The following PHACTR3 variants were observed in gnomAD, a reference collection of about 807,000 sequenced individuals.
PHACTR3 encodes phosphatase and actin regulator 3.
In PHACTR3, 16 loss-of-function variants were observed where a neutral mutation model predicts 66.8. The ratio of observed to expected loss-of-function variants is 0.24; its 90% CI spans 0.16 to 0.36. The LOEUF is 0.36. Among genes scored for constraint, PHACTR3 ranks in the 10% least tolerant of loss-of-function variants. The probability of loss-of-function intolerance (pLI) is 1.00; values close to 1 mark genes in which losing one functional copy is unlikely to be tolerated. For missense variants in PHACTR3, 647 were observed against 719.9 expected (o/e 0.90, Z 1.16); for synonymous variants, 323 against 292.1 (o/e 1.11, Z -1.08).
At chr20:59,786,351 C>A (rs981980992) in intron 7 of PHACTR3, among the ~76,000 whole-genome samples, 1 of 152,256 alleles carries the variant, frequency 6.6e-6, no homozygotes, top group Non-Finnish European at 1.5e-5. Context: ...CTGAGAATTA[C>A]TTTGAGAACC....
intron 1 of PHACTR3, among the ~76,000 whole-genome samples, chr20:59,630,680 A>G (rs2034629098): frequency 6.6e-6 from 1 of 152,190 alleles, no homozygotes; most frequent in African/African-American, 2.4e-5. Context: ...ATCTAGAGGA[A>G]GTACCACTGG....
intron 1 of PHACTR3, among the ~76,000 whole-genome samples, chr20:59,690,341 G>T (rs1278510962): frequency 6.6e-6 from 1 of 152,170 alleles, no homozygotes; most frequent in East Asian, 1.9e-4. Context: ...TCTCACCAGG[G>T]CCCATCACGT....
chr20:59,717,766 A>C (rs1362582438), intron 1 of PHACTR3, among the ~76,000 whole-genome samples: 1 of 152,250 alleles, frequency 6.6e-6, no homozygotes, highest in Admixed American at 6.5e-5. Context: ...GGTTTTTTTG[A>C]CTATTCCTCC....
chr20:59,806,075 G>A lies in PHACTR3; in HGVS notation c.1209G>A (p.Leu403=), dbSNP rs548007727. Residue 403 remains leucine, a synonymous_variant, in exon 8 of 13, where the codon CTG becomes CTA. Coordinates refer to ENST00000371015, the MANE Select transcript of PHACTR3 (RefSeq NM_080672.5). The stretch of plus-strand genomic sequence containing the variant: ...CACGGAAATGCAAGAAGGAGCTCCT[G>A]GCCGTGAAGCTAAGGAACCGGCCAA... ...TLPRKCKKEL[L]AVKLRNRPSK... 3 of 1,614,206 alleles carry A rather than the reference G, an allele frequency of 1.9e-6. No homozygotes were observed. The highest frequency in any genetic ancestry group is 1.7e-5 in the Admixed American group (1 of 60,016).
In PHACTR3 at chr20:59,710,487, G is replaced by A. The variant is rs569434767; in HGVS notation, c.119-32620G>A. 2.6e-5 allele frequency among the ~76,000 whole-genome samples: 4 copies of A among 152,284 alleles called. No homozygotes were observed. The South Asian group carries it at 8.3e-4, about 32-fold the overall frequency. ...CCAGCAAAATGGGGACCACAGCAGC[G>A]AGTTCACTGGCTAGGCCCTTTAAAA... is the stretch of plus-strand genomic sequence containing the variant. On this transcript the variant is annotated intron_variant, in intron 1 of 12. Transcript: ENST00000371015.
chr20:59,702,058 G>A (rs991175131), intron 1 of PHACTR3, among the ~76,000 whole-genome samples: 1 of 152,088 alleles, frequency 6.6e-6, no homozygotes, highest in Non-Finnish European at 1.5e-5. Flanking sequence ...TTTTATTGTT[G>A]CTTAATAGTC....
chr20:59,825,852 T>C (rs1361365448), intron 8 of PHACTR3, among the ~76,000 whole-genome samples: 6 of 152,146 alleles, frequency 3.9e-5, no homozygotes, highest in African/African-American at 1.4e-4. Flanking sequence ...TGGTTGTACA[T>C]GGGGCCTTTG....
intron 1 of PHACTR3, chr20:59,721,382 C>G (rs2038289139): frequency 6.6e-6 from 1 of 152,228 alleles, no homozygotes; most frequent in East Asian, 1.9e-4. Flanking sequence ...TGTCTCTCCC[C>G]CTGGAAGGAG....
intron 7 of PHACTR3, among the ~76,000 whole-genome samples, chr20:59,800,288 A>G (rs1053119289): frequency 6.6e-6 from 1 of 152,216 alleles, no homozygotes; most frequent in African/African-American, 2.4e-5. Context: ...TCTATTGGCT[A>G]TCATCTTCCT....
intron 8 of PHACTR3, among the ~76,000 whole-genome samples, chr20:59,835,641 A>C (rs1252423469): frequency 6.6e-6 from 1 of 152,158 alleles, no homozygotes; most frequent in African/African-American, 2.4e-5. Flanking sequence ...AAATAATCAG[A>C]GCTTGGCATT....
intron 1 of PHACTR3, among the ~76,000 whole-genome samples, chr20:59,620,602 C>T (rs1215054326): frequency 6.6e-6 from 1 of 152,208 alleles, no homozygotes; most frequent in African/African-American, 2.4e-5. Context: ...ACAAATCCCC[C>T]ATAAGCGATG....
chr20:59,594,466 AACAATGTTGAACAGACAC>A (rs2033270089), intron 1 of PHACTR3, among the ~76,000 whole-genome samples: 1 of 152,062 alleles, frequency 6.6e-6, no homozygotes, highest in Non-Finnish European at 1.5e-5. Context: ...GTTGAACTTG[AACAATGTTGAACAGACAC>A]ACAATGTTGA....
At chr20:59,799,399 ATTTC>A (rs1374078047) in intron 7 of PHACTR3, among the ~76,000 whole-genome samples, 2 of 152,162 alleles carry the variant, frequency 1.3e-5, no homozygotes, top group East Asian at 3.9e-4. Flanking sequence ...TGATGTGTGG[ATTTC>A]TTTATTTCTT....
intron 1 of PHACTR3, among the ~76,000 whole-genome samples, chr20:59,598,571 T>G (rs2033389805): frequency 6.6e-6 from 1 of 152,196 alleles, no homozygotes; most frequent in Non-Finnish European, 1.5e-5. Flanking sequence ...TACCAGTGCC[T>G]TTCAGGGCAG....
At chr20:59,771,878 T>C (rs1001854447) in intron 5 of PHACTR3, among the ~76,000 whole-genome samples, 2 of 152,206 alleles carry the variant, frequency 1.3e-5, no homozygotes, top group African/African-American at 2.4e-5. Flanking sequence ...TGGAAGTTTG[T>C]TTCTGGTTTT....
At chr20:59,748,929 C>G (rs142145830) in intron 3 of PHACTR3, among the ~76,000 whole-genome samples, 9 of 152,332 alleles carry the variant, frequency 5.9e-5, no homozygotes, top group African/African-American at 1.4e-4. Flanking sequence ...TGTCAGCACA[C>G]AAACCCGATT....
chr20:59,690,819 T>C (rs963334920), intron 1 of PHACTR3, among the ~76,000 whole-genome samples: 1 of 152,152 alleles, frequency 6.6e-6, no homozygotes, highest in South Asian at 2.1e-4. Context: ...AACATTTAAC[T>C]AATGAGTTGC....
rs7263707 is a variant in PHACTR3, at chr20:59,633,125, C to A, written c.118+27993C>A. Among the ~76,000 whole-genome samples the A allele has an allele frequency of 2.8e-3, 420 of 152,250 alleles. 5 individuals carry two copies. The highest frequency in any genetic ancestry group is 9.8e-3 in the African/African-American group (408 of 41,544). The stretch of plus-strand genomic sequence containing the variant: ...ACCTGTCACACTCCCAGTGACACAG[C>A]GTGTGCTAGAGATTAGGCTTTTCTC... On this transcript the variant is annotated intron_variant, in intron 1 of 12. Coordinates refer to ENST00000371015, the MANE Select transcript of PHACTR3 (RefSeq NM_080672.5).
chr20:59,616,734 A>C (rs1198403473), intron 1 of PHACTR3, among the ~76,000 whole-genome samples: 1 of 152,226 alleles, frequency 6.6e-6, no homozygotes, highest in African/African-American at 2.4e-5. Context: ...ACACTGAGCT[A>C]AGGGAGCACT....
Sources: allele counts gnomAD v4.1 joint callset (sites outside exome capture counted in the v4.1 genomes callset), GRCh38; gene constraint gnomAD v4.1.1; transcripts MANE v1.5; gene names NCBI Gene and HGNC (gene_info 2026-07-23, HGNC 2026-07-21).